AUTS2: variants seen among roughly 807,000 people sequenced by gnomAD.
AUTS2 encodes the protein autism susceptibility gene 2 protein.
A neutral mutation model predicts 112.4 loss-of-function variants in AUTS2; 17 were observed. The ratio of observed to expected loss-of-function variants is 0.15; its 90% CI spans 0.10 to 0.23. The LOEUF (loss-of-function observed/expected upper bound fraction) is 0.23. Among genes scored for constraint, AUTS2 ranks in the 10% least tolerant of loss-of-function variants. The probability of loss-of-function intolerance (pLI) is 1.00; values close to 1 mark genes in which losing one functional copy is unlikely to be tolerated. For synonymous variants in AUTS2, 751 were observed against 702.7 expected (o/e 1.07, Z -1.09); for missense variants, 1,510 against 1,701.6 (o/e 0.89, Z 1.98).
At chr7:69,946,885 A>T (rs1032383861) in intron 2 of AUTS2, among the ~76,000 whole-genome samples, 2 of 152,166 alleles carry the variant, frequency 1.3e-5, no homozygotes, top group Non-Finnish European at 2.9e-5. Context: ...CTGGTGAATT[A>T]TCAGCCGCCC....
intron 4 of AUTS2, among the ~76,000 whole-genome samples, chr7:70,298,419 C>T (rs1047488443): frequency 3.3e-5 from 5 of 152,096 alleles, no homozygotes; most frequent in Non-Finnish European, 7.3e-5. Flanking sequence ...CAAGGTCAGT[C>T]AGAAGTGATT....
chr7:69,615,057 A>T (rs1793292812), intron 1 of AUTS2, among the ~76,000 whole-genome samples: 1 of 152,186 alleles, frequency 6.6e-6, no homozygotes, highest in Admixed American at 6.5e-5. Context: ...GATTTTATGT[A>T]TTTGTAAAAT....
chr7:69,882,150 C>CAAA (rs57238970), intron 1 of AUTS2, among the ~76,000 whole-genome samples: 6 of 57,132 alleles, frequency 1.1e-4, no homozygotes, highest in Non-Finnish European at 1.7e-4. Flanking sequence ...AACTCTGTCT[C>CAAA]AAAAAAAAAA....
intron 1 of AUTS2, among the ~76,000 whole-genome samples, chr7:69,898,861 G>T (rs1207871813): frequency 6.6e-6 from 1 of 152,112 alleles, no homozygotes; most frequent in Admixed American, 6.6e-5. Flanking sequence ...ATTCAGTTGG[G>T]TGCTATTTCT....
intron 4 of AUTS2, among the ~76,000 whole-genome samples, chr7:70,389,350 A>C (rs1419194726): frequency 6.6e-6 from 1 of 152,210 alleles, no homozygotes; most frequent in African/African-American, 2.4e-5. Context: ...AATGGGGAAA[A>C]AAAACACGAA....
At chr7:70,651,739 A>G (rs1412560553) in intron 5 of AUTS2, among the ~76,000 whole-genome samples, 1 of 152,212 alleles carries the variant, frequency 6.6e-6, no homozygotes, top group Non-Finnish European at 1.5e-5. Flanking sequence ...GTTAGGGACC[A>G]TCTGTATGTT....
At chr7:70,472,599 T>C (rs1008557194) in intron 5 of AUTS2, among the ~76,000 whole-genome samples, 4 of 152,220 alleles carry the variant, frequency 2.6e-5, no homozygotes, top group Non-Finnish European at 5.9e-5. Flanking sequence ...CTAATGGGGA[T>C]AAGAATGCTG....
At chr7:70,312,916 G>T (rs1482813762) in intron 4 of AUTS2, among the ~76,000 whole-genome samples, 2 of 152,160 alleles carry the variant, frequency 1.3e-5, no homozygotes, top group South Asian at 2.1e-4. Flanking sequence ...AATAGATTTT[G>T]ACACACATTC....
intron 3 of AUTS2, among the ~76,000 whole-genome samples, chr7:70,126,888 G>A (rs1806001607): frequency 6.6e-6 from 1 of 152,036 alleles, no homozygotes; most frequent in Admixed American, 6.6e-5. Context: ...GTGCAATGGT[G>A]CGATCTCGGC....
In AUTS2 at chr7:70,295,504, G is replaced by GT. The variant is rs149023649; in HGVS notation, c.661-140243dup. On this transcript the variant is annotated intron_variant, in intron 4 of 18. Coordinates refer to ENST00000342771, the MANE Select transcript of AUTS2 (RefSeq NM_015570.4). ...TTTGATTTTTTGTTTTTTGGGTTTTGTTTTTGGAGTTTGGATCTCTTAGTT... is the reference window on the plus strand; with the variant it reads ...TTTGATTTTTTGTTTTTTGGGTTTTGTTTTTTGGAGTTTGGATCTCTTAGTT... 1.5e-3 allele frequency among the ~76,000 whole-genome samples: 222 copies of GT among 152,064 alleles called. 1 individual carries two copies. The highest frequency in any genetic ancestry group is 4.9e-3 in the African/African-American group (203 of 41,404).
At chr7:70,620,526 T>G (rs937997461) in intron 5 of AUTS2, among the ~76,000 whole-genome samples, 1 of 152,132 alleles carries the variant, frequency 6.6e-6, no homozygotes, top group African/African-American at 2.4e-5. Context: ...TCTCCTGTGC[T>G]GGTGGCCAAG....
At chr7:70,689,402 C>A (rs1358735906) in intron 5 of AUTS2, among the ~76,000 whole-genome samples, 1 of 151,300 alleles carries the variant, frequency 6.6e-6, no homozygotes, top group African/African-American at 2.4e-5. Flanking sequence ...AAAGAAACAC[C>A]CTTATTAGGA....
intron 4 of AUTS2, among the ~76,000 whole-genome samples, chr7:70,340,342 C>T (rs985765552): frequency 1.3e-5 from 2 of 151,818 alleles, no homozygotes; most frequent in South Asian, 2.1e-4. Context: ...CTAGAATTTT[C>T]GCAAACCTTA....
At chr7:70,335,052 C>G (rs1426190104) in intron 4 of AUTS2, among the ~76,000 whole-genome samples, 1 of 152,142 alleles carries the variant, frequency 6.6e-6, no homozygotes, top group African/African-American at 2.4e-5. Flanking sequence ...GATGGAACCT[C>G]TGAGGTTTCC....
chr7:69,924,057 T>C (rs940097301), intron 2 of AUTS2, among the ~76,000 whole-genome samples: 1 of 152,244 alleles, frequency 6.6e-6, no homozygotes, highest in Non-Finnish European at 1.5e-5. Flanking sequence ...CTTTTGCCAT[T>C]AATTCTGAGC....
At chr7:70,213,697 G>A (rs943618371) in intron 4 of AUTS2, among the ~76,000 whole-genome samples, 1 of 152,224 alleles carries the variant, frequency 6.6e-6, no homozygotes, top group South Asian at 2.1e-4. Context: ...CTCTTGCTAT[G>A]GGAAACAGTT....
Position 70,559,281 on chromosome 7 carries a change from C to T in AUTS2, c.690+123500C>T, listed in dbSNP as rs59754921. Among the ~76,000 whole-genome samples, 1,479 of 152,062 alleles carry T rather than the reference C, an allele frequency of 9.7e-3. 27 individuals are homozygous for T. Among genetic ancestry groups the T allele is most frequent in the African/African-American group, 0.034 (1,405 of 41,470 alleles). ...ATCTTGAGTGTATCTTTATTAGCAGCGTGAGAACAGACTAACACACCATCT... is the reference window on the plus strand; with the variant it reads ...ATCTTGAGTGTATCTTTATTAGCAGTGTGAGAACAGACTAACACACCATCT... On this transcript the variant is annotated intron_variant, in intron 5 of 18. Transcript: ENST00000342771.
chr7:70,458,819 G>A (rs1796850149), intron 5 of AUTS2, among the ~76,000 whole-genome samples: 1 of 152,212 alleles, frequency 6.6e-6, no homozygotes, highest in Admixed American at 6.5e-5. Flanking sequence ...TTGTTGTGGA[G>A]CTTCTTGACA....
chr7:69,793,122 C>G (rs762174001), intron 1 of AUTS2, among the ~76,000 whole-genome samples: 4 of 152,130 alleles, frequency 2.6e-5, no homozygotes, highest in Non-Finnish European at 5.9e-5. Flanking sequence ...CCCACTATTA[C>G]AGATAGCAGG....
Sources: allele counts gnomAD v4.1 joint callset (sites outside exome capture counted in the v4.1 genomes callset), GRCh38; gene constraint gnomAD v4.1.1; transcripts MANE v1.5; gene names NCBI Gene and HGNC (gene_info 2026-07-23, HGNC 2026-07-21).